Variants in XRCC3 observed in about 807,000 individuals in gnomAD.
XRCC3 encodes DNA repair protein XRCC3.
In XRCC3, 34 loss-of-function variants were observed where a neutral mutation model predicts 29.2. The observed-to-expected ratio is 1.16, with a 90% CI of 0.88 to 1.55. The LOEUF (loss-of-function observed/expected upper bound fraction) is 1.55, where lower values mean the gene tolerates loss of function less well. XRCC3 is among the 40% of genes most tolerant of loss of function. The probability of loss-of-function intolerance (pLI) is 0.00; values close to 1 mark genes in which losing one functional copy is unlikely to be tolerated. For synonymous variants in XRCC3, 223 were observed against 211.3 expected, an observed-to-expected ratio of 1.06 and a Z score of -0.48; for missense variants, 463 against 467.6, an observed-to-expected ratio of 0.99 and a Z score of 0.09.
intron 7 of XRCC3, chr14:103,700,338 C>G: frequency 3.2e-6 from 1 of 315,596 alleles, no homozygotes; most frequent in Non-Finnish European, 5.9e-6. Context: ...CAGGTGTCCT[C>G]GGCCTCCCTC....
At chr14:103,707,798 T>C in intron 5 of XRCC3, 1 of 193,724 alleles carries the variant, frequency 5.2e-6, no homozygotes, top group South Asian at 9.9e-5. Flanking sequence ...CGGTGCAGGC[T>C]GCGCTCTTGG....
At chr14:103,700,799 TG>T in intron 7 of XRCC3, 11 of 1,215,984 alleles carry the variant, frequency 9.0e-6, no homozygotes, top group East Asian at 5.0e-5. Flanking sequence ...ATGCAGGGAC[TG>T]GGGGGAGCTG....
intron 6 of XRCC3, chr14:103,705,463 C>G (rs892238325): frequency 3.3e-5 from 5 of 152,400 alleles, no homozygotes; most frequent in African/African-American, 9.6e-5. Flanking sequence ...GGGAGAGCCT[C>G]ACGCGGCTTA....
chr14:103,710,277 T>A (rs1442636494), intron 4 of XRCC3: 2 of 152,350 alleles, frequency 1.3e-5, no homozygotes, highest in African/African-American at 4.8e-5. Flanking sequence ...AACTAGGTTC[T>A]AAGTATGGGC....
At position 103,711,189 on chromosome 14, in the gene XRCC3, G is replaced by T; in HGVS notation, c.-102C>A. The T allele has an allele frequency of 7.5e-7, 1 of 1,341,788 alleles. No homozygotes were observed. The highest frequency in any genetic ancestry group is 1.1e-6 in the Non-Finnish European group (1 of 941,508). 83.1% of individuals were successfully genotyped at this position (1,341,788 alleles called of 1,614,324 possible). A position where few individuals can be genotyped will look rare whatever the true frequency, so the allele number is the denominator to read the frequency against. On this transcript the variant is annotated 5_prime_UTR_variant, in exon 4 of 10. Coordinates refer to ENST00000555055, the MANE Select transcript of XRCC3 (RefSeq NM_005432.4). ...CGCCTTCAATTCAAAGCCTGTGGGA[G>T]GCCCGAACCAGGGAAGTGACAGCAG...
intron 7 of XRCC3, chr14:103,699,808 T>G: frequency 1.7e-6 from 1 of 576,144 alleles, no homozygotes; most frequent in African/African-American, 1.9e-5. Context: ...CCCCATGTCC[T>G]TCCTCTGGCC....
chr14:103,706,466 T>G (rs1055577422), intron 6 of XRCC3: 2 of 451,434 alleles, frequency 4.4e-6, no homozygotes, highest in Admixed American at 2.4e-5. Context: ...GAAACATCTC[T>G]CCTCCTCACA....
chr14:103,698,826 C>T lies in XRCC3; in HGVS notation c.1013G>A (p.Arg338Gln), dbSNP rs766114040. The T allele has an allele frequency of 6.9e-6, 11 of 1,604,308 alleles. No homozygotes were observed. The highest frequency in any genetic ancestry group is 5.4e-5 in the African/African-American group (4 of 74,748). ...CSYTISAEGVRGTPGTQSH is the reference protein window; with the variant it reads ...CSYTISAEGVQGTPGTQSH ...GTGGGACTGGGTCCCAGGTGTCCCT[C>T]GCACCCCTTCGGCACTGATCGTGTA... The change falls in exon 10 of 10, where the codon CGA becomes CAA. Residue 338 changes from arginine to glutamine, a missense_variant. Physicochemically the swap from Arg to Gln is conservative, Grantham distance 43. Transcript: ENST00000555055.
rs1449040991 is a variant in XRCC3 at position 103,700,800 on chromosome 14, G to C, written c.562-1224C>G. 9.9e-6 allele frequency: 12 copies of C among 1,214,124 alleles called. 1 individual carries two copies. In the South Asian group the frequency reaches 1.0e-4, roughly 10 times the overall value. 75.2% of individuals were successfully genotyped at this position (1,214,124 alleles called of 1,614,324 possible). ...GAGGGACTTTGCACATGCAGGGACT[G>C]GGGGGAGCTGGGGATGGGCAAGTGG... On this transcript the variant is annotated intron_variant, in intron 7 of 9. Transcript: ENST00000555055.
At chr14:103,712,489 G>C (rs921412581) in intron 2 of XRCC3, 1 of 152,486 alleles carries the variant, frequency 6.6e-6, no homozygotes, top group Non-Finnish European at 1.5e-5. Flanking sequence ...AGGAGATGCG[G>C]CCTTGCCCGG....
In XRCC3 at chr14:103,698,536, G is replaced by T. The variant is rs1245112984; in HGVS notation, c.*262C>A. On this transcript the variant is annotated 3_prime_UTR_variant, in exon 10 of 10. Coordinates refer to ENST00000555055, the MANE Select transcript of XRCC3 (RefSeq NM_005432.4). ...AGCCCTGAGAATCACCTCTCCCCAAGGGCCAGCTCAGCAGTGGGGACCAGG... is the reference window on the plus strand; with the variant it reads ...AGCCCTGAGAATCACCTCTCCCCAATGGCCAGCTCAGCAGTGGGGACCAGG... 3 of 532,932 alleles carry T rather than the reference G, an allele frequency of 5.6e-6. No individual in the cohort carries two copies. The highest frequency in any genetic ancestry group is 1.9e-5 in the African/African-American group (1 of 52,436). The allele number at this position is 532,932 out of a possible 1,614,324, so 33.0% of individuals were successfully genotyped here.
In XRCC3 at chr14:103,699,392, A is replaced by G; in HGVS notation, c.746T>C (p.Phe249Ser). The change falls in exon 8 of 10, where the codon TTC becomes TCC. Residue 249 changes from phenylalanine (F) to serine (S), a missense_variant. Physicochemically the swap from Phe to Ser is radical, Grantham distance 155. Transcript: ENST00000555055. ...GTTGATGCACAGCACAGGGCTCTGG[A>G]AGGCACTGCTCAGCTCACGCAGCGT... ...GATLRELSSA[F>S]QSPVLCINQV... The G allele has an allele frequency of 6.2e-7, 1 of 1,611,298 alleles. No homozygotes were observed. The highest frequency in any genetic ancestry group is 8.5e-7 in the Non-Finnish European group (1 of 1,179,388).
chr14:103,706,374 C>T (rs139985944), intron 6 of XRCC3: 1 of 456,094 alleles, frequency 2.2e-6, no homozygotes, highest in Non-Finnish European at 4.4e-6. Context: ...AATACTGCCA[C>T]TCTGTTCACG....
chr14:103,699,283 G>A (rs942196380), intron 8 of XRCC3, 81 bp downstream of exon 8: 10 of 1,541,254 alleles, frequency 6.5e-6, no homozygotes, highest in South Asian at 1.2e-5. Context: ...ACTGCCACCC[G>A]CCCCACCTCC....
At chr14:103,709,926 G>A (rs2083565452) in intron 4 of XRCC3, 2 of 152,326 alleles carry the variant, frequency 1.3e-5, no homozygotes, top group Admixed American at 6.5e-5. Context: ...GCCAAGGATG[G>A]AGGGTCAGGA....
chr14:103,701,500 G>C (rs190411429), intron 7 of XRCC3: 1 of 392,910 alleles, frequency 2.5e-6, no homozygotes, highest in Non-Finnish European at 4.5e-6. Context: ...GTGCGATAAC[G>C]TATTTTATTG....
chr14:103,698,580 G>A lies in XRCC3; in HGVS notation c.*218C>T. On this transcript the variant is annotated 3_prime_UTR_variant, in exon 10 of 10. Transcript: ENST00000555055. Reference sequence around the variant, plus strand: ...GACCAGGTACCCAGCAAGCGGGCCTGTCCCCAGACCCAGGGAGAGGCAGAA... The same window carrying A: ...GACCAGGTACCCAGCAAGCGGGCCTATCCCCAGACCCAGGGAGAGGCAGAA... 1 of 596,230 alleles carries A rather than the reference G, an allele frequency of 1.7e-6. No individual in the cohort carries two copies. The highest frequency in any genetic ancestry group is 2.9e-5 in the Admixed American group (1 of 34,902). The allele number at this position is 596,230 out of a possible 1,614,324, so 36.9% of individuals were successfully genotyped here.
rs907078914 is a variant in XRCC3, at chr14:103,707,399, G to C, written c.194-184C>G. The C allele has an allele frequency of 4.1e-6, 3 of 728,290 alleles. No homozygotes were observed. In the East Asian group the frequency reaches 8.1e-5, roughly 20 times the overall value. The allele number at this position is 728,290 out of a possible 1,614,324, so 45.1% of individuals were successfully genotyped here. A position where few individuals can be genotyped will look rare whatever the true frequency, so the allele number is the denominator to read the frequency against. On this transcript the variant is annotated intron_variant, in intron 5 of 9. Coordinates refer to ENST00000555055, the MANE Select transcript of XRCC3 (RefSeq NM_005432.4). Reference sequence around the variant, plus strand: ...GGGGGCCCAGCCGGGAAGGGCGGGTGCACCTGAGATGCAGAGTCAGGGGGA... The same window carrying C: ...GGGGGCCCAGCCGGGAAGGGCGGGTCCACCTGAGATGCAGAGTCAGGGGGA...
chr14:103,702,905 T>C, intron 7 of XRCC3: 4 of 512,780 alleles, frequency 7.8e-6, no homozygotes, highest in Admixed American at 3.2e-5. Flanking sequence ...CCAGAGGCCG[T>C]CTGATCCCCA....
Sources: allele counts gnomAD v4.1 joint callset, GRCh38; gene constraint gnomAD v4.1.1; transcripts MANE v1.5; gene names NCBI Gene and HGNC (gene_info 2026-07-23, HGNC 2026-07-21).